Variants in CC2D2A observed in about 807,000 individuals in gnomAD.
CC2D2A encodes the protein coiled-coil and C2 domain-containing protein 2A.
Under a neutral mutation model 212.9 loss-of-function variants are expected in CC2D2A, and 155 were observed. That is an observed-to-expected ratio of 0.73 (90% CI 0.64 to 0.83). The LOEUF (loss-of-function observed/expected upper bound fraction) is 0.83, where lower values mean the gene tolerates loss of function less well. Ranked by LOEUF, CC2D2A falls within the 40% of genes least tolerant of loss-of-function variation. The probability of loss-of-function intolerance (pLI) is 0.00; values close to 1 mark genes in which losing one functional copy is unlikely to be tolerated. For synonymous variants in CC2D2A, 667 were observed against 686.5 expected (o/e 0.97, Z 0.44); for missense variants, 1,856 against 1,956.2 (o/e 0.95, Z 0.97).
intron 8 of CC2D2A, among the ~76,000 whole-genome samples, chr4:15,514,403 C>G (rs540299820): frequency 2.0e-5 from 3 of 152,170 alleles, no homozygotes; most frequent in Admixed American, 6.5e-5. Context: ...TGGCAAGAAG[C>G]AAGCAGTCTC....
intron 33 of CC2D2A, among the ~76,000 whole-genome samples, chr4:15,594,547 C>T (rs1329296261): frequency 6.6e-6 from 1 of 151,918 alleles, no homozygotes; most frequent in Non-Finnish European, 1.5e-5. Context: ...ATGACAATGG[C>T]AGAGGTACAA....
chr4:15,522,038 CA>C (rs1717232364), intron 11 of CC2D2A, among the ~76,000 whole-genome samples: 1 of 152,010 alleles, frequency 6.6e-6, no homozygotes, highest in South Asian at 2.1e-4. Context: ...CCTACCTCTA[CA>C]AAAAATAAAA....
chr4:15,583,891 C>CA (rs1720752732), intron 30 of CC2D2A, among the ~76,000 whole-genome samples: 1 of 150,310 alleles, frequency 6.7e-6, no homozygotes, highest in Non-Finnish European at 1.5e-5. Flanking sequence ...GTGGAGCTTG[C>CA]AGTGAGCCAG....
At chr4:15,567,268 A>G in intron 24 of CC2D2A, 109 bp from the exon 25 acceptor site, 1 of 813,736 alleles carries the variant, frequency 1.2e-6, no homozygotes, top group South Asian at 1.7e-5. Flanking sequence ...ACTGCACTTC[A>G]GCTTGGGCGA....
chr4:15,544,560 G>T (rs558654154), intron 17 of CC2D2A, among the ~76,000 whole-genome samples: 2 of 152,262 alleles, frequency 1.3e-5, no homozygotes, highest in African/African-American at 4.8e-5. Flanking sequence ...AGGCAAGAAG[G>T]CCTCCCCTCC....
intron 4 of CC2D2A, among the ~76,000 whole-genome samples, chr4:15,500,766 T>C (rs1715903842): frequency 6.6e-6 from 1 of 152,194 alleles, no homozygotes; most frequent in Non-Finnish European, 1.5e-5. Context: ...GCCTTCTCTC[T>C]GCCACTTTTC....
chr4:15,571,527 C>T (rs559417344), intron 28 of CC2D2A, among the ~76,000 whole-genome samples: 12 of 151,006 alleles, frequency 7.9e-5, no homozygotes, highest in African/African-American at 2.4e-4. Context: ...GGTGTGAACC[C>T]GGGAGGCAGA....
chr4:15,580,120 C>T lies in CC2D2A; in HGVS notation c.3924C>T (p.Asn1308=). The T allele has an allele frequency of 6.2e-7, 1 of 1,613,888 alleles. No individual in the cohort carries two copies. The change falls in exon 30 of 37, where the codon AAC becomes AAT. Residue 1308 remains asparagine (N), a synonymous_variant. Transcript: ENST00000424120. ...VFITRYLKPL[N]PPQELLNVYP... ...TCACACGTTATCTCAAACCTTTAAA[C>T]CCTCCTCAGGAGCTCCTTAATGTCT...
intron 4 of CC2D2A, 89 bp from the exon 5 acceptor site, chr4:15,502,340 G>T (rs145397085): frequency 2.2e-5 from 22 of 991,650 alleles, no homozygotes; most frequent in South Asian, 3.4e-5. Context: ...TTCCCTTTTG[G>T]GGGGAGGGAA....
intron 13 of CC2D2A, among the ~76,000 whole-genome samples, chr4:15,529,921 T>G (rs933750901): frequency 6.6e-6 from 1 of 150,962 alleles, no homozygotes; most frequent in Non-Finnish European, 1.5e-5. Flanking sequence ...TTATTAAGTT[T>G]TAGGGTACAT....
At chr4:15,576,738 T>C (rs112893489) in intron 29 of CC2D2A, 2 of 152,692 alleles carry the variant, frequency 1.3e-5, no homozygotes. Flanking sequence ...GTATGTGTAA[T>C]GCCTGGGCAT....
rs377282439 is a variant in CC2D2A at position 15,587,505 on chromosome 4, G to A, written c.4066-311G>A. On this transcript the variant is annotated intron_variant, in intron 31 of 36. Transcript: ENST00000424120. ...AATGAAGTAATGTGCTTTAAAGATC[G>A]TTTAGCACATGAACTATATATACAT... 5.3e-5 allele frequency among the ~76,000 whole-genome samples: 8 copies of A among 152,110 alleles called. No individual in the cohort carries two copies. The East Asian group carries it at 5.8e-4, about 11-fold the overall frequency.
chr4:15,561,303 T>G (rs1719587412), intron 23 of CC2D2A, among the ~76,000 whole-genome samples: 1 of 152,178 alleles, frequency 6.6e-6, no homozygotes, highest in African/African-American at 2.4e-5. Flanking sequence ...ATTAAGTCTC[T>G]TGGTCTCCTA....
At chr4:15,537,138 T>C in intron 15 of CC2D2A, 62 bp downstream of exon 15, 2 of 1,511,186 alleles carry the variant, frequency 1.3e-6, no homozygotes, top group Non-Finnish European at 1.8e-6. Flanking sequence ...GAGGGCAGCC[T>C]CCAGTACAGG....
rs556544210 is a variant in CC2D2A, at chr4:15,502,571, C to G, written c.336+54C>G. 9 of 1,438,072 alleles carry G rather than the reference C, an allele frequency of 6.3e-6. No individual in the cohort carries two copies. In the African/African-American group the frequency reaches 1.1e-4, roughly 18 times the overall value. 89.1% of individuals were successfully genotyped at this position (1,438,072 alleles called of 1,614,324 possible). A position where few individuals can be genotyped will look rare whatever the true frequency, so the allele number is the denominator to read the frequency against. On this transcript the variant is annotated intron_variant, in intron 5 of 36. Coordinates refer to ENST00000424120, the MANE Select transcript of CC2D2A (RefSeq NM_001378615.1). ...CAGTGCTGATTGCAATCTTCCAGGG[C>G]TTGTCTAGCTTACTTTTTATGCTCC...
At chr4:15,599,864 C>G (rs1721504753) in intron 36 of CC2D2A, among the ~76,000 whole-genome samples, 158 bp downstream of exon 36, 1 of 152,110 alleles carries the variant, frequency 6.6e-6, no homozygotes, top group Admixed American at 6.5e-5. Context: ...AGTTTTAAAC[C>G]TCAATAATCA....
chr4:15,549,618 C>T (rs139383668), intron 17 of CC2D2A, among the ~76,000 whole-genome samples: 5 of 152,300 alleles, frequency 3.3e-5, no homozygotes, highest in Non-Finnish European at 5.9e-5. Context: ...GCCTGGCCAA[C>T]GTGGTGAAAC....
chr4:15,546,732 C>T (rs1423053492), intron 17 of CC2D2A, among the ~76,000 whole-genome samples: 2 of 152,138 alleles, frequency 1.3e-5, no homozygotes, highest in Non-Finnish European at 1.5e-5. Context: ...GACTGCTGAT[C>T]CCAGAAAGCC....
intron 4 of CC2D2A, among the ~76,000 whole-genome samples, chr4:15,498,492 T>G (rs1180632248): frequency 6.6e-6 from 1 of 152,198 alleles, no homozygotes; most frequent in African/African-American, 2.4e-5. Flanking sequence ...AATTAAGCCC[T>G]TCCTCGAGCC....
Sources: allele counts gnomAD v4.1 joint callset (sites outside exome capture counted in the v4.1 genomes callset), GRCh38; gene constraint gnomAD v4.1.1; transcripts MANE v1.5; gene names NCBI Gene and HGNC (gene_info 2026-07-23, HGNC 2026-07-21).